The following CLASP2 variants were observed in gnomAD, a reference collection of about 807,000 sequenced individuals.
The protein encoded by CLASP2 is cytoplasmic linker associated protein 2.
A neutral mutation model predicts 194.4 loss-of-function variants in CLASP2; 47 were observed. That is an observed-to-expected ratio of 0.24 (90% CI 0.19 to 0.31). CLASP2 has a LOEUF of 0.31. Among genes scored for constraint, CLASP2 ranks in the 10% least tolerant of loss-of-function variants. The pLI is 1.00. For synonymous variants in CLASP2, 619 were observed against 633.5 expected, an observed-to-expected ratio of 0.98 and a Z score of 0.34; for missense variants, 1,445 against 1,823.6, an observed-to-expected ratio of 0.79 and a Z score of 3.78.
intron 8 of CLASP2, 31 bp from the exon 9 acceptor site, chr3:33,632,402 G>A (rs1210708679): frequency 6.8e-7 from 1 of 1,476,578 alleles, no homozygotes. Context: ...AATTTCCTAA[G>A]GTTCATTTTT....
In CLASP2 at chr3:33,707,529, AATTAACAG is replaced by A. The variant is rs565585270; in HGVS notation, c.195+10271_195+10278del. 1.2e-4 allele frequency among the ~76,000 whole-genome samples: 18 copies of A among 152,332 alleles called. No individual in the cohort carries two copies. In the South Asian group the frequency reaches 2.9e-3, roughly 25 times the overall value. On this transcript the variant is annotated intron_variant, in intron 1 of 38. Transcript: ENST00000682230. ...TATCACCATTTTGCAAACTCTAATG[AATTAACAG>A]ATCTAGACACTGAACGTTAATGGCC...
intron 1 of CLASP2, among the ~76,000 whole-genome samples, chr3:33,716,741 G>T (rs2093318478): frequency 6.6e-6 from 1 of 152,150 alleles, no homozygotes; most frequent in Admixed American, 6.5e-5. Context: ...ATCGACGTGG[G>T]TAACTCTCAA....
intron 1 of CLASP2, among the ~76,000 whole-genome samples, chr3:33,715,780 T>C (rs978995344): frequency 6.6e-6 from 1 of 150,870 alleles, no homozygotes; most frequent in Non-Finnish European, 1.5e-5. Flanking sequence ...ATGATTCTAT[T>C]TGTATGTTCA....
chr3:33,706,428 T>C (rs983773022), intron 1 of CLASP2, among the ~76,000 whole-genome samples: 2 of 152,226 alleles, frequency 1.3e-5, no homozygotes, highest in African/African-American at 4.8e-5. Context: ...GTTAGTAGCA[T>C]AACCACACAA....
At chr3:33,612,346 T>G (rs1346489945) in intron 12 of CLASP2, among the ~76,000 whole-genome samples, 2 of 152,094 alleles carry the variant, frequency 1.3e-5, no homozygotes, top group Non-Finnish European at 2.9e-5. Flanking sequence ...ACAATATAGT[T>G]TTGGGGGAGA....
At chr3:33,715,976 T>C (rs1007738663) in intron 1 of CLASP2, among the ~76,000 whole-genome samples, 1 of 151,830 alleles carries the variant, frequency 6.6e-6, no homozygotes, top group African/African-American at 2.4e-5. Context: ...TGCTATAGAA[T>C]TCAACAGAAA....
intron 34 of CLASP2, among the ~76,000 whole-genome samples, chr3:33,525,527 C>T (rs1169598351): frequency 6.6e-6 from 1 of 152,058 alleles, no homozygotes; most frequent in African/African-American, 2.4e-5. Context: ...GGGAACCTCC[C>T]CTGCCTAGGA....
intron 21 of CLASP2, among the ~76,000 whole-genome samples, chr3:33,587,093 T>C (rs903464817): frequency 6.6e-6 from 1 of 152,118 alleles, no homozygotes; most frequent in African/African-American, 2.4e-5. Context: ...AGACTAGACA[T>C]GGTCCATGGG....
chr3:33,524,518 G>A (rs1693438821), intron 34 of CLASP2, among the ~76,000 whole-genome samples: 1 of 152,058 alleles, frequency 6.6e-6, no homozygotes, highest in Admixed American at 6.6e-5. Context: ...AGGCGTGGTG[G>A]CATGTGCCTA....
intron 38 of CLASP2, among the ~76,000 whole-genome samples, chr3:33,499,031 G>A (rs1194836088): frequency 2.0e-5 from 3 of 152,090 alleles, no homozygotes; most frequent in Admixed American, 6.5e-5. Context: ...GTCTAGCTCT[G>A]TGTTCCCACT....
chr3:33,703,166 CA>C (rs1259086765), intron 1 of CLASP2, among the ~76,000 whole-genome samples: 1 of 152,032 alleles, frequency 6.6e-6, no homozygotes, highest in African/African-American at 2.4e-5. Context: ...AATGGGAAAA[CA>C]AACCACAGAC....
intron 8 of CLASP2, among the ~76,000 whole-genome samples, chr3:33,639,858 TAGG>T (rs2080962540): frequency 6.6e-6 from 1 of 152,162 alleles, no homozygotes; most frequent in Admixed American, 6.5e-5. Flanking sequence ...CAGTATTACT[TAGG>T]AGATTACCCG....
At chr3:33,590,349 C>T (rs2068454305) in intron 21 of CLASP2, among the ~76,000 whole-genome samples, 1 of 152,066 alleles carries the variant, frequency 6.6e-6, no homozygotes, top group Non-Finnish European at 1.5e-5. Context: ...ATGTACTTCT[C>T]AAGACTTAAC....
At chr3:33,683,529 GC>G (rs2154344481) in intron 6 of CLASP2, 1 of 152,278 alleles carries the variant, frequency 6.6e-6, no homozygotes, top group East Asian at 1.9e-4. Flanking sequence ...GATGGCTTCA[GC>G]CCGGGAGGTG....
intron 8 of CLASP2, 97 bp from the exon 9 acceptor site, chr3:33,632,468 A>G: frequency 4.8e-6 from 4 of 838,858 alleles, no homozygotes; most frequent in Non-Finnish European, 7.3e-6. Flanking sequence ...ATATCAACAA[A>G]AGTATAATTT....
rs1196944713 is a variant in CLASP2 at position 33,689,864 on chromosome 3, T to C, written c.343A>G (p.Ile115Val). ...DKVRDEAQTL[I>V]LKLMDQVAPP... The stretch of plus-strand genomic sequence containing the variant: ...GCTACTTGATCCATTAACTTCAATA[T>C]CAGAGTCTGAGCTTCATCTCGAACC... Residue 115 changes from isoleucine (I) to valine (V), a missense_variant, in exon 3 of 39, where the codon ATA becomes GTA. This residue lies in a region of CLASP2 where 332 missense variants were observed against 325.3 expected (regional missense o/e 1.02). Coordinates refer to ENST00000682230, the MANE Select transcript of CLASP2 (RefSeq NM_001365631.1). The C allele has an allele frequency of 6.9e-6, 11 of 1,598,004 alleles. No homozygotes were observed. The South Asian group carries it at 9.1e-5, about 13-fold the overall frequency.
intron 21 of CLASP2, among the ~76,000 whole-genome samples, chr3:33,588,317 A>G (rs1053531910): frequency 1.3e-5 from 2 of 152,202 alleles, no homozygotes; most frequent in Admixed American, 6.5e-5. Flanking sequence ...AGTTGTTGAA[A>G]AGTGTCATGA....
chr3:33,621,791 G>C (rs941918141), intron 11 of CLASP2, among the ~76,000 whole-genome samples: 2 of 152,094 alleles, frequency 1.3e-5, no homozygotes, highest in African/African-American at 4.8e-5. Flanking sequence ...TAAAATATCA[G>C]AAATTGAGTG....
chr3:33,604,314 T>A, intron 16 of CLASP2, 105 bp from the exon 17 acceptor site: 1 of 761,224 alleles, frequency 1.3e-6, no homozygotes, highest in Non-Finnish European at 2.2e-6. Flanking sequence ...GAAGTATTTC[T>A]TTTTTCTTTT....
Sources: gnomAD v4.1 joint callset for allele counts (sites outside exome capture counted in the v4.1 genomes callset) on GRCh38, gnomAD v4.1.1 for gene constraint, gnomAD v4.1.1 regional missense constraint, MANE v1.5 for transcripts, NCBI Gene and HGNC (gene_info 2026-07-23, HGNC 2026-07-21) for gene names.